The following HIKESHI variants were observed in gnomAD, a reference collection of about 807,000 sequenced individuals.
HIKESHI encodes heat shock protein nuclear import factor hikeshi.
HIKESHI carries 13 observed loss-of-function variants against 25.7 expected under a neutral mutation model. That is an observed-to-expected ratio of 0.51 (90% CI 0.33 to 0.80). The LOEUF (loss-of-function observed/expected upper bound fraction) is 0.80. HIKESHI is among the 30% of genes least tolerant of loss of function. HIKESHI has a pLI of 0.02. For missense variants in HIKESHI, 174 were observed against 229.5 expected (o/e 0.76, Z 1.56); for synonymous variants, 76 against 78.7 (o/e 0.97, Z 0.18).
At chr11:86,336,406 T>C (rs1947562942) in intron 2 of HIKESHI, among the ~76,000 whole-genome samples, 1 of 152,208 alleles carries the variant, frequency 6.6e-6, no homozygotes, top group African/African-American at 2.4e-5. Flanking sequence ...GGGACTTGGA[T>C]GGTGACTGGG....
At chr11:86,342,478 CGTGTGTGTGTGTGTGTGTGTGTGT>C (rs34980731) in intron 3 of HIKESHI, among the ~76,000 whole-genome samples, 3 of 147,356 alleles carry the variant, frequency 2.0e-5, no homozygotes, top group African/African-American at 7.5e-5. Flanking sequence ...TAAAGATGTT[CGTGTGTGTGTGTGTGTGTGTGTGT>C]GTGTGTGTGT....
chr11:86,328,346 C>T (rs918043123), intron 2 of HIKESHI, among the ~76,000 whole-genome samples: 1 of 151,912 alleles, frequency 6.6e-6, no homozygotes, highest in Non-Finnish European at 1.5e-5. Context: ...ACAACTTCCG[C>T]CTCCCGGGTT....
intron 3 of HIKESHI, among the ~76,000 whole-genome samples, chr11:86,341,548 G>A (rs940040066): frequency 6.8e-6 from 1 of 148,092 alleles, no homozygotes; most frequent in African/African-American, 2.5e-5. Context: ...AGGCTGGAAC[G>A]CAGTGGTGCA....
intron 2 of HIKESHI, among the ~76,000 whole-genome samples, chr11:86,325,464 TAA>T (rs1947255146): frequency 6.6e-6 from 1 of 152,158 alleles, no homozygotes; most frequent in Non-Finnish European, 1.5e-5. Context: ...GGGTGATGGT[TAA>T]GAACTCAGGT....
At chr11:86,317,585 A>T (rs1190141375) in intron 2 of HIKESHI, among the ~76,000 whole-genome samples, 1 of 152,122 alleles carries the variant, frequency 6.6e-6, no homozygotes, top group African/African-American at 2.4e-5. Context: ...CAGGTGGATC[A>T]CCTGAGGTGG....
intron 2 of HIKESHI, among the ~76,000 whole-genome samples, chr11:86,311,982 A>G (rs1241095307): frequency 1.3e-5 from 2 of 152,090 alleles, no homozygotes; most frequent in African/African-American, 4.8e-5. Flanking sequence ...ACCTCCAACT[A>G]TGTGGTCAAT....
At position 86,309,208 on chromosome 11, in the gene HIKESHI, C is replaced by T. The variant is rs189281891; in HGVS notation, c.268+2726C>T. 8.5e-3 allele frequency among the ~76,000 whole-genome samples: 1,293 copies of T among 152,270 alleles called. 58 individuals carry two copies. Among genetic ancestry groups the T allele is most frequent in the Admixed American group, 0.074 (1,134 of 15,292 alleles). ...CCAAGAGTGTAAAAGTGTTCTATTT[C>T]TCCACATCCTCTCCAGCACCTGTTG... On this transcript the variant is annotated intron_variant, in intron 2 of 4. Transcript: ENST00000278483.
intron 2 of HIKESHI, among the ~76,000 whole-genome samples, chr11:86,313,193 T>C (rs1429361740): frequency 2.0e-5 from 3 of 152,322 alleles, no homozygotes; most frequent in African/African-American, 7.2e-5. Context: ...AAAATCTAGA[T>C]GAAGACAGAC....
chr11:86,324,797 G>A (rs78317397), intron 2 of HIKESHI, among the ~76,000 whole-genome samples: 13,466 of 152,210 alleles, frequency 0.088, 912 homozygotes, highest in African/African-American at 0.18. Flanking sequence ...GCACTTGATT[G>A]AACTGAGAAT....
At chr11:86,306,523 C>G (rs1376169469) in intron 2 of HIKESHI, 41 bp downstream of exon 2, 2 of 1,263,644 alleles carry the variant, frequency 1.6e-6, no homozygotes, top group Non-Finnish European at 1.1e-6. Flanking sequence ...ATTAATCAAA[C>G]TTTTTTCTTA....
At chr11:86,318,435 C>A (rs1413322508) in intron 2 of HIKESHI, among the ~76,000 whole-genome samples, 1 of 151,570 alleles carries the variant, frequency 6.6e-6, no homozygotes, top group South Asian at 2.1e-4. Context: ...TTCTACTATA[C>A]CTTTAAGAAA....
At chr11:86,330,197 A>G (rs1947386150) in intron 2 of HIKESHI, among the ~76,000 whole-genome samples, 1 of 152,200 alleles carries the variant, frequency 6.6e-6, no homozygotes, top group African/African-American at 2.4e-5. Flanking sequence ...CCAAGAATTA[A>G]TATTACAGAA....
chr11:86,311,316 C>A (rs1221822073), intron 2 of HIKESHI, among the ~76,000 whole-genome samples: 1 of 152,154 alleles, frequency 6.6e-6, no homozygotes, highest in Non-Finnish European at 1.5e-5. Flanking sequence ...GGAATTTATC[C>A]ATTTCTTCTA....
chr11:86,336,609 C>A (rs574953416), intron 2 of HIKESHI, among the ~76,000 whole-genome samples: 1 of 152,238 alleles, frequency 6.6e-6, no homozygotes, highest in South Asian at 2.1e-4. Flanking sequence ...AAATAAATTT[C>A]CGATGTTTAT....
chr11:86,335,904 TAAGG>T (rs1947543678), intron 2 of HIKESHI, among the ~76,000 whole-genome samples: 1 of 152,084 alleles, frequency 6.6e-6, no homozygotes, highest in Non-Finnish European at 1.5e-5. Flanking sequence ...AGAAACAAAG[TAAGG>T]CTCTTATACA....
At chr11:86,318,286 A>G (rs11234613) in intron 2 of HIKESHI, among the ~76,000 whole-genome samples, 13,019 of 136,142 alleles carry the variant, frequency 0.096, 732 homozygotes, top group East Asian at 0.22. Context: ...CCTGGGCGAC[A>G]GAGCAAGACT....
At chr11:86,318,172 T>C (rs1947039592) in intron 2 of HIKESHI, among the ~76,000 whole-genome samples, 1 of 151,200 alleles carries the variant, frequency 6.6e-6, no homozygotes, top group Admixed American at 6.6e-5. Flanking sequence ...GGCGTGGTGG[T>C]GGGCGCCTGT....
chr11:86,336,074 G>A (rs1273915578), intron 2 of HIKESHI, among the ~76,000 whole-genome samples: 1 of 152,168 alleles, frequency 6.6e-6, no homozygotes, highest in Non-Finnish European at 1.5e-5. Context: ...ACTAAACAGA[G>A]TTTATAGCTG....
rs548450856 is a variant in HIKESHI at position 86,325,853 on chromosome 11, C to T, written c.269-11526C>T. 5.5e-5 allele frequency among the ~76,000 whole-genome samples: 8 copies of T among 145,176 alleles called. No individual in the cohort carries two copies. The East Asian group carries it at 1.2e-3, about 22-fold the overall frequency. The stretch of plus-strand genomic sequence containing the variant: ...CACCACTGCACTCCAGCCTGGGCAA[C>T]AGACCGAGACTCCGTCTCAGAAAAA... On this transcript the variant is annotated intron_variant, in intron 2 of 4. Coordinates refer to ENST00000278483, the MANE Select transcript of HIKESHI (RefSeq NM_016401.4).
Sources: allele counts gnomAD v4.1 joint callset (sites outside exome capture counted in the v4.1 genomes callset), GRCh38; gene constraint gnomAD v4.1.1; transcripts MANE v1.5; gene names NCBI Gene and HGNC (gene_info 2026-07-23, HGNC 2026-07-21).